Variants in TMEM132D observed in about 807,000 individuals in gnomAD.
The protein encoded by TMEM132D is transmembrane protein 132D, also known as mature OL transmembrane protein.
TMEM132D carries 21 observed loss-of-function variants against 62.3 expected under a neutral mutation model. The ratio of observed to expected loss-of-function variants is 0.34; its 90% CI spans 0.24 to 0.49. TMEM132D has a LOEUF of 0.49. Ranked by LOEUF, TMEM132D falls within the 20% of genes least tolerant of loss-of-function variation. The probability of loss-of-function intolerance (pLI) is 0.99; values close to 1 mark genes in which losing one functional copy is unlikely to be tolerated. For synonymous variants in TMEM132D, 621 were observed against 575.6 expected, an observed-to-expected ratio of 1.08 and a Z score of -1.13; for missense variants, 1,346 against 1,402.8, an observed-to-expected ratio of 0.96 and a Z score of 0.65.
chr12:129,465,511 C>T (rs1343213174), intron 3 of TMEM132D, among the ~76,000 whole-genome samples: 1 of 152,190 alleles, frequency 6.6e-6, no homozygotes, highest in African/African-American at 2.4e-5. Flanking sequence ...CAAATTGTCC[C>T]TGTTTGCAGA....
chr12:129,487,184 G>T (rs1166316412), intron 3 of TMEM132D, among the ~76,000 whole-genome samples: 1 of 152,074 alleles, frequency 6.6e-6, no homozygotes, highest in Non-Finnish European at 1.5e-5. Flanking sequence ...GTGTAGAACA[G>T]CCCCAGCGTG....
chr12:129,542,273 CA>C (rs1428230469), intron 2 of TMEM132D, among the ~76,000 whole-genome samples: 3 of 152,226 alleles, frequency 2.0e-5, no homozygotes, highest in African/African-American at 7.2e-5. Context: ...TTAAGAACCA[CA>C]ACCCCCTAAT....
At chr12:129,879,077 T>C (rs953241273) in intron 1 of TMEM132D, among the ~76,000 whole-genome samples, 3 of 152,216 alleles carry the variant, frequency 2.0e-5, no homozygotes, top group African/African-American at 7.2e-5. Flanking sequence ...TTCTCTGTGA[T>C]GGAAATATGT....
In TMEM132D at chr12:129,868,465, A is replaced by G. The variant is rs148695026; in HGVS notation, c.79+34796T>C. Among the ~76,000 whole-genome samples, 211 of 152,354 alleles carry G rather than the reference A, an allele frequency of 1.4e-3. 2 individuals are homozygous for G. The highest frequency in any genetic ancestry group is 4.5e-3 in the African/African-American group (189 of 41,584). ...ATTTGCTCAAGTATATCTTCCATGC[A>G]CGATGACAAGCCATATTACAGCCTC... On this transcript the variant is annotated intron_variant, in intron 1 of 8. Transcript: ENST00000422113.
At chr12:129,281,375 T>G (rs1881142358) in intron 4 of TMEM132D, among the ~76,000 whole-genome samples, 1 of 152,004 alleles carries the variant, frequency 6.6e-6, no homozygotes, top group African/African-American at 2.4e-5. Context: ...CAGGTTTTTT[T>G]GTTTGTTTGT....
At chr12:129,264,682 C>A (rs919852358) in intron 4 of TMEM132D, among the ~76,000 whole-genome samples, 11 of 152,264 alleles carry the variant, frequency 7.2e-5, no homozygotes, top group African/African-American at 2.6e-4. Flanking sequence ...GCCCATCAAT[C>A]AATGAGTGGA....
chr12:129,783,971 C>T (rs769266767), intron 1 of TMEM132D, among the ~76,000 whole-genome samples: 65 of 152,184 alleles, frequency 4.3e-4, no homozygotes, highest in Admixed American at 1.6e-3. Context: ...GTTGTTTTTT[C>T]CCCATCCCGT....
intron 2 of TMEM132D, among the ~76,000 whole-genome samples, chr12:129,598,054 A>T (rs1654667334): frequency 6.6e-6 from 1 of 152,202 alleles, no homozygotes; most frequent in South Asian, 2.1e-4. Flanking sequence ...CAAAAACAAC[A>T]ACAACAACAA....
chr12:129,295,117 G>C (rs1207891952), intron 4 of TMEM132D, among the ~76,000 whole-genome samples: 1 of 152,220 alleles, frequency 6.6e-6, no homozygotes, highest in Non-Finnish European at 1.5e-5. Flanking sequence ...GCAAGGAAGA[G>C]AGAATTCTCA....
chr12:129,505,303 C>A (rs191803205), intron 3 of TMEM132D, among the ~76,000 whole-genome samples: 1 of 151,178 alleles, frequency 6.6e-6, no homozygotes. Flanking sequence ...AGTGCAGTGG[C>A]GCAATCTTGG....
intron 4 of TMEM132D, among the ~76,000 whole-genome samples, chr12:129,253,525 A>G (rs918597899): frequency 8.5e-5 from 13 of 152,226 alleles, no homozygotes; most frequent in Non-Finnish European, 1.9e-4. Flanking sequence ...CAGAAAAACA[A>G]ATAAATAAAT....
intron 2 of TMEM132D, among the ~76,000 whole-genome samples, chr12:129,591,705 C>T (rs916988387): frequency 7.9e-5 from 12 of 151,864 alleles, no homozygotes; most frequent in African/African-American, 1.9e-4. Flanking sequence ...CCTGACCTCA[C>T]GAAGCTTTTT....
chr12:129,393,747 C>T (rs111535329), intron 3 of TMEM132D, among the ~76,000 whole-genome samples: 10 of 152,288 alleles, frequency 6.6e-5, no homozygotes, highest in South Asian at 2.1e-4. Flanking sequence ...AAGCAACCCA[C>T]GCCAAACTGA....
intron 1 of TMEM132D, among the ~76,000 whole-genome samples, chr12:129,896,193 C>A (rs893324700): frequency 1.3e-5 from 2 of 151,812 alleles, no homozygotes; most frequent in Non-Finnish European, 2.9e-5. Context: ...CTTTGTTGCC[C>A]AGGCTGGTCT....
chr12:129,525,226 GT>G (rs765569025), intron 3 of TMEM132D, among the ~76,000 whole-genome samples: 14,466 of 67,228 alleles, frequency 0.22, 4,339 homozygotes, highest in East Asian at 0.27. Flanking sequence ...TGCCCAGCCG[GT>G]TTTTTTTTTT....
At chr12:129,368,201 G>T (rs531705138) in intron 3 of TMEM132D, among the ~76,000 whole-genome samples, 2 of 152,240 alleles carry the variant, frequency 1.3e-5, no homozygotes, top group South Asian at 2.1e-4. Flanking sequence ...TGTAATGTCT[G>T]TCATATGCAG....
intron 2 of TMEM132D, among the ~76,000 whole-genome samples, chr12:129,553,411 T>C (rs985927918): frequency 6.6e-6 from 1 of 152,208 alleles, no homozygotes; most frequent in African/African-American, 2.4e-5. Context: ...TACCCCATGA[T>C]AGGCACTCTT....
At chr12:129,636,841 G>T (rs887054433) in intron 2 of TMEM132D, among the ~76,000 whole-genome samples, 3 of 151,854 alleles carry the variant, frequency 2.0e-5, no homozygotes, top group African/African-American at 4.8e-5. Flanking sequence ...TATTCAGAGT[G>T]AATTTTTCTC....
intron 3 of TMEM132D, 66 bp downstream of exon 3, chr12:129,530,990 GAAA>G (rs71082733): frequency 2.7e-5 from 34 of 1,268,254 alleles, no homozygotes; most frequent in South Asian, 1.3e-4. Flanking sequence ...AGCAATCTAG[GAAA>G]AAAAAAAAAA....
Sources: allele counts gnomAD v4.1 joint callset (sites outside exome capture counted in the v4.1 genomes callset), GRCh38; gene constraint gnomAD v4.1.1; transcripts MANE v1.5; gene names NCBI Gene and HGNC (gene_info 2026-07-23, HGNC 2026-07-21).